The following VPS13D variants were observed in gnomAD, a reference collection of about 807,000 sequenced individuals.
VPS13D encodes vacuolar protein sorting 13 homolog D.
Under a neutral mutation model 461.9 loss-of-function variants are expected in VPS13D, and 187 were observed. The ratio of observed to expected loss-of-function variants is 0.40; its 90% CI spans 0.36 to 0.46. The LOEUF is 0.46. Ranked by LOEUF, VPS13D falls within the 20% of genes least tolerant of loss-of-function variation. VPS13D has a pLI of 0.60. For missense variants in VPS13D, 4,711 were observed against 5,364.9 expected, an observed-to-expected ratio of 0.88 and a Z score of 3.81; for synonymous variants, 1,951 against 1,986.3, an observed-to-expected ratio of 0.98 and a Z score of 0.47.
chr1:12,345,486 G>A lies in VPS13D; in HGVS notation c.8998G>A (p.Asp3000Asn). The change falls in exon 43 of 70, where the codon GAT becomes AAT. Residue 3000 changes from aspartate to asparagine, a missense_variant. Physicochemically the swap from Asp to Asn is conservative, Grantham distance 23. This residue lies in a region of VPS13D where 4,411 missense variants were observed against 4,937.8 expected (regional missense o/e 0.89). Coordinates refer to ENST00000620676, the MANE Select transcript of VPS13D (RefSeq NM_015378.4). The stretch of plus-strand genomic sequence containing the variant: ...GACCTTTTTTCGATATGCAGCACCA[G>A]ATAAAAATTCATCTTCCTCTACGGT... ...VGTFFRYAAP[D>N]KNSSSSTIGS... 1.9e-6 allele frequency: 3 copies of A among 1,613,276 alleles called. No individual in the cohort carries two copies. The highest frequency in any genetic ancestry group is 2.5e-6 in the Non-Finnish European group (3 of 1,179,336).
chr1:12,242,480 A>G (rs533860282), intron 2 of VPS13D, 33 bp from the exon 3 acceptor site: 2 of 1,594,748 alleles, frequency 1.3e-6, no homozygotes, highest in Non-Finnish European at 1.7e-6. Context: ...TATTTGTTAA[A>G]TGGATATTTC....
At chr1:12,260,652 T>G in intron 10 of VPS13D, 41 bp from the exon 11 acceptor site, 4 of 1,562,582 alleles carry the variant, frequency 2.6e-6, no homozygotes, top group Non-Finnish European at 2.6e-6. Context: ...ATCTACAACG[T>G]TTGTGTTTTT....
chr1:12,237,052 T>A (rs1348461747), intron 2 of VPS13D, among the ~76,000 whole-genome samples: 1 of 151,328 alleles, frequency 6.6e-6, no homozygotes, highest in East Asian at 1.9e-4. Context: ...TCAAAGAGAT[T>A]GTGTGTGTGT....
At chr1:12,467,971 G>A (rs1376182797) in intron 67 of VPS13D, among the ~76,000 whole-genome samples, 3 of 151,860 alleles carry the variant, frequency 2.0e-5, no homozygotes, top group African/African-American at 7.3e-5. Flanking sequence ...TCAAAGTCCA[G>A]TCCTTGCATC....
chr1:12,268,651 ATAAGGC>A, intron 15 of VPS13D, 49 bp from the exon 16 acceptor site: 1 of 1,556,632 alleles, frequency 6.4e-7, no homozygotes, highest in Non-Finnish European at 8.7e-7. Context: ...AGGTCTGTTA[ATAAGGC>A]TATAGTTTTT....
At chr1:12,490,866 A>G (rs1645871190) in intron 67 of VPS13D, among the ~76,000 whole-genome samples, 1 of 152,234 alleles carries the variant, frequency 6.6e-6, no homozygotes, top group African/African-American at 2.4e-5. Flanking sequence ...AGACAGATGC[A>G]GCCCACGGCA....
At position 12,378,510 on chromosome 1, in the gene VPS13D, C is replaced by T; in HGVS notation, c.11000C>T (p.Pro3667Leu). ...AHEGSSVPHNPNKPSAARSTE... is the reference protein window; with the variant it reads ...AHEGSSVPHNLNKPSAARSTE... ...GAGGGCTCCTCAGTTCCTCACAATC[C>T]CAATAAGCCCTCAGCCGCCCGCTCC... is the stretch of plus-strand genomic sequence containing the variant. Residue 3667 changes from proline (P) to leucine (L), a missense_variant, in exon 56 of 70, where the codon CCC (proline) becomes CTC (leucine). Pro to Leu is a moderately conservative substitution (Grantham distance 98). This residue lies in a region of VPS13D where 4,411 missense variants were observed against 4,937.8 expected (regional missense o/e 0.89). Transcript: ENST00000620676. 6.2e-7 allele frequency: 1 copy of T among 1,612,530 alleles called. No homozygotes were observed. The highest frequency in any genetic ancestry group is 8.5e-7 in the Non-Finnish European group (1 of 1,179,350).
intron 39 of VPS13D, chr1:12,336,719 C>T (rs1049015035): frequency 1.3e-5 from 2 of 152,208 alleles, no homozygotes; most frequent in African/African-American, 4.8e-5. Flanking sequence ...AAAGAAATGT[C>T]AGCTGTGCTT....
chr1:12,322,864 A>G, intron 34 of VPS13D, 118 bp downstream of exon 34: 2 of 872,718 alleles, frequency 2.3e-6, no homozygotes, highest in Non-Finnish European at 3.5e-6. Context: ...GTCATTAAGT[A>G]TAACTGTAAG....
chr1:12,348,769 T>C, intron 44 of VPS13D, 54 bp from the exon 45 acceptor site: 1 of 1,597,466 alleles, frequency 6.3e-7, no homozygotes, highest in Non-Finnish European at 8.6e-7. Flanking sequence ...TATTATTGTA[T>C]TTTATATGTT....
chr1:12,288,231 A>G lies in VPS13D; in HGVS notation c.5643A>G (p.Ser1881=), dbSNP rs777630783. 1.9e-6 allele frequency: 3 copies of G among 1,612,880 alleles called. No individual in the cohort carries two copies. The East Asian group carries it at 6.7e-5, about 36-fold the overall frequency. ...VNTKLDLKVH[S]LSLVLNKTTS... ...ATCTTGTCTGTTCCTAGGTTCATTC[A>G]CTTTCTCTAGTGCTGAATAAGACCA... Residue 1881 remains serine, a synonymous_variant, in exon 22 of 70, where the codon TCA becomes TCG. Coordinates refer to ENST00000620676, the MANE Select transcript of VPS13D (RefSeq NM_015378.4).
chr1:12,440,128 T>C (rs1645110839), intron 65 of VPS13D, among the ~76,000 whole-genome samples: 2 of 152,362 alleles, frequency 1.3e-5, no homozygotes, highest in South Asian at 4.1e-4. Context: ...GAACAAGTGA[T>C]GCCTGGGCTC....
At chr1:12,385,690 C>T (rs1644342129) in intron 59 of VPS13D, among the ~76,000 whole-genome samples, 1 of 152,194 alleles carries the variant, frequency 6.6e-6, no homozygotes, top group African/African-American at 2.4e-5. Context: ...CATCTTCCTT[C>T]TGTTTTCTCT....
At chr1:12,427,590 A>T (rs987784981) in intron 65 of VPS13D, among the ~76,000 whole-genome samples, 1 of 152,192 alleles carries the variant, frequency 6.6e-6, no homozygotes, top group African/African-American at 2.4e-5. Flanking sequence ...TAGCATTTAC[A>T]TGGTAAAGTA....
Position 12,279,354 on chromosome 1 carries a change from A to G in VPS13D, c.4451-145A>G, listed in dbSNP as rs1641710442. 5 of 853,490 alleles carry G rather than the reference A, an allele frequency of 5.9e-6. No individual in the cohort carries two copies. Among genetic ancestry groups the G allele is most frequent in the Admixed American group, 3.3e-5 (1 of 30,612 alleles). 52.9% of individuals were successfully genotyped at this position (853,490 alleles called of 1,614,324 possible). On this transcript the variant is annotated intron_variant, in intron 19 of 69. Transcript: ENST00000620676. The surrounding 1 kb of genome is among the most constrained non-coding windows in gnomAD (Gnocchi z 4.3). ...GGATAGCTGTCAAGGTTTGCTCTCA[A>G]TCATAGACCCCGGGTGCCAGGCTAA...
At chr1:12,474,527 GA>G (rs1307492269) in intron 67 of VPS13D, among the ~76,000 whole-genome samples, 1 of 152,022 alleles carries the variant, frequency 6.6e-6, no homozygotes, top group Admixed American at 6.5e-5. Context: ...CGTTTAAGAG[GA>G]AAAACTATTT....
At chr1:12,353,947 G>T (rs1643864676) in intron 46 of VPS13D, 27 bp from the exon 47 acceptor site, 3 of 1,603,180 alleles carry the variant, frequency 1.9e-6, no homozygotes, top group South Asian at 1.1e-5. Flanking sequence ...TAAGTCTGAT[G>T]ATTTTTACAC....
intron 65 of VPS13D, among the ~76,000 whole-genome samples, chr1:12,454,974 T>C (rs1645307206): frequency 6.6e-6 from 1 of 152,266 alleles, no homozygotes; most frequent in Admixed American, 6.5e-5. Flanking sequence ...ACTGTCACTT[T>C]AAACCTTTTC....
chr1:12,365,523 G>A (rs1644022162), intron 52 of VPS13D, among the ~76,000 whole-genome samples: 1 of 150,776 alleles, frequency 6.6e-6, no homozygotes, highest in African/African-American at 2.5e-5. Context: ...GACCAACATG[G>A]TGAAACCCCA....
Sources: gnomAD v4.1 joint callset for allele counts (sites outside exome capture counted in the v4.1 genomes callset) on GRCh38, gnomAD v4.1.1 for gene constraint, gnomAD v4.1.1 regional missense constraint, Gnocchi (gnomAD v3.1) non-coding constraint, MANE v1.5 for transcripts, NCBI Gene and HGNC (gene_info 2026-07-23, HGNC 2026-07-21) for gene names.